MBD3: variants seen among roughly 807,000 people sequenced by gnomAD.
MBD3 encodes the protein methyl-CpG-binding domain protein 3.
MBD3 carries 13 observed loss-of-function variants against 31.2 expected under a neutral mutation model. The observed-to-expected ratio is 0.42, with a 90% CI of 0.27 to 0.66. The LOEUF is 0.66. MBD3 is among the 30% of genes least tolerant of loss of function. MBD3 has a pLI of 0.26. For missense variants in MBD3, 440 were observed against 426.5 expected (o/e 1.03, Z -0.28); for synonymous variants, 223 against 187.4 (o/e 1.19, Z -1.55).
At chr19:1,586,649 C>G (rs937725208) in intron 1 of MBD3, among the ~76,000 whole-genome samples, 7 of 150,146 alleles carry the variant, frequency 4.7e-5, no homozygotes, top group Non-Finnish European at 8.8e-5. Context: ...GCTAGGACGA[C>G]AGGCACAAGC....
Position 1,585,006 on chromosome 19 carries a change from C to T in MBD3, c.270+49G>A, listed in dbSNP as rs1408709085. 3.1e-6 allele frequency: 5 copies of T among 1,602,128 alleles called. No individual in the cohort carries two copies. Among genetic ancestry groups the T allele is most frequent in the Non-Finnish European group, 4.2e-6 (5 of 1,178,322 alleles). ...GCAGCTCACGTCATGGCCGCGTCCC[C>T]GCCTAGAACGCCCCGCGCCGACGTC... On this transcript the variant is annotated intron_variant, in intron 2 of 6. Coordinates refer to ENST00000434436, the MANE Select transcript of MBD3 (RefSeq NM_001281453.2). The surrounding 1 kb of genome is among the most constrained non-coding windows in gnomAD (Gnocchi z 4.1).
chr19:1,585,578 G>GAGTCGT lies in MBD3; in HGVS notation c.111-365_111-364insACGACT. On this transcript the variant is annotated intron_variant, in intron 1 of 6. Transcript: ENST00000434436. This position sits in a 1 kb window ranked among gnomAD's most constrained non-coding sequence, Gnocchi z 4.1. ...CCCCTCTGAATCCTCCCCACCGTAGGCCCTGGCAGCGTCAGGCACAGCAGA... is the reference window on the plus strand; with the variant it reads ...CCCCTCTGAATCCTCCCCACCGTAGGAGTCGTCCCTGGCAGCGTCAGGCACAGCAGA... 1 of 294,338 alleles carries GAGTCGT rather than the reference G, an allele frequency of 3.4e-6. No individual in the cohort carries two copies. The highest frequency in any genetic ancestry group is 8.8e-5 in the East Asian group (1 of 11,310). The allele number at this position is 294,338 out of a possible 1,614,324, so 18.2% of individuals were successfully genotyped here.
chr19:1,586,885 A>C (rs2060681650), intron 1 of MBD3, among the ~76,000 whole-genome samples: 1 of 151,326 alleles, frequency 6.6e-6, no homozygotes, highest in East Asian at 1.9e-4. Flanking sequence ...CAGGCTGGTC[A>C]CGAACTCCTG....
chr19:1,578,503 C>A lies in MBD3; in HGVS notation c.713G>T (p.Arg238Leu), dbSNP rs576246477. 1 of 1,612,086 alleles carries A rather than the reference C, an allele frequency of 6.2e-7. No individual in the cohort carries two copies. Among genetic ancestry groups the A allele is most frequent in the Non-Finnish European group, 8.5e-7 (1 of 1,179,922 alleles). Residue 238 changes from arginine to leucine, a missense_variant, in exon 6 of 7, where the codon CGG becomes CTG. This residue lies in a region of MBD3 where 117 missense variants were observed against 95.0 expected (regional missense o/e 1.23). Transcript: ENST00000434436. The surrounding 1 kb of genome is among the most constrained non-coding windows in gnomAD (Gnocchi z 6.1). ...GTCGGCCATCAGCGCCTCCTCCAGC[C>A]GCTTCCGCACCTGCTGCACCAGCTC... ...QEELVQQVRK[R>L]LEEALMADML...
In MBD3 at chr19:1,585,253, C is replaced by G. The variant is rs1256662293; in HGVS notation, c.111-39G>C. Reference sequence around the variant, plus strand: ...GGACGGTCGGCGCCCCGGGCGGACCCCAGACCCCAAACCCAGGCCTCGGCC... The same window carrying G: ...GGACGGTCGGCGCCCCGGGCGGACCGCAGACCCCAAACCCAGGCCTCGGCC... On this transcript the variant is annotated intron_variant, in intron 1 of 6. Coordinates refer to ENST00000434436, the MANE Select transcript of MBD3 (RefSeq NM_001281453.2). This position sits in a 1 kb window ranked among gnomAD's most constrained non-coding sequence, Gnocchi z 4.1. 2 of 1,542,900 alleles carry G rather than the reference C, an allele frequency of 1.3e-6. No homozygotes were observed. Among genetic ancestry groups the G allele is most frequent in the African/African-American group, 1.4e-5 (1 of 73,366 alleles).
chr19:1,575,054 C>T lies in MBD3; in HGVS notation c.*3110G>A. 2.7e-6 allele frequency: 1 copy of T among 370,032 alleles called. No individual in the cohort carries two copies. Among genetic ancestry groups the T allele is most frequent in the Non-Finnish European group, 5.5e-6 (1 of 180,698 alleles). The allele number at this position is 370,032 out of a possible 1,614,324, so 22.9% of individuals were successfully genotyped here. A position where few individuals can be genotyped will look rare whatever the true frequency, so the allele number is the denominator to read the frequency against. On this transcript the variant is annotated 3_prime_UTR_variant, in exon 7 of 7. Coordinates refer to ENST00000434436, the MANE Select transcript of MBD3 (RefSeq NM_001281453.2). ...CCACGGGGGTCCTGAGCCTCTCCTC[C>T]CTGGTACCCTCTGTGGCGGCAGCGG...
Position 1,575,287 on chromosome 19 carries a change from G to A in MBD3, c.*2877C>T, listed in dbSNP as rs1162865365. On this transcript the variant is annotated 3_prime_UTR_variant, in exon 7 of 7. Transcript: ENST00000434436. ...TCTATTAAAAATACAAAAATTAGCT[G>A]GGCGTGGTGGCTACTCGGGAGGCTG... is the stretch of plus-strand genomic sequence containing the variant. 3 of 440,176 alleles carry A rather than the reference G, an allele frequency of 6.8e-6. No individual in the cohort carries two copies. In the East Asian group the frequency reaches 2.2e-4, roughly 32 times the overall value. 27.3% of individuals were successfully genotyped at this position (440,176 alleles called of 1,614,324 possible).
chr19:1,580,462 GT>G (rs1917326014), intron 5 of MBD3, among the ~76,000 whole-genome samples: 1 of 152,242 alleles, frequency 6.6e-6, no homozygotes, highest in East Asian at 1.9e-4. Flanking sequence ...GAACCGTCAA[GT>G]TTCCTTTCCT....
chr19:1,588,779 CAAAA>C (rs750933978), intron 1 of MBD3, among the ~76,000 whole-genome samples: 8 of 54,962 alleles, frequency 1.5e-4, no homozygotes, highest in African/African-American at 4.5e-4. Context: ...ACTGTGTCTC[CAAAA>C]AAAAAAAAAA....
rs1322010522 is a variant in MBD3 at position 1,578,400 on chromosome 19, C to G, written c.816G>C (p.Glu272Asp). 98 of 1,604,276 alleles carry G rather than the reference C, an allele frequency of 6.1e-5. 1 individual carries two copies. In the South Asian group the frequency reaches 7.8e-4, roughly 13 times the overall value. Residue 272 changes from glutamate to aspartate, a missense_variant, in exon 6 of 7, where the codon GAG becomes GAC. This residue lies in a region of MBD3 where 117 missense variants were observed against 95.0 expected (regional missense o/e 1.23). Transcript: ENST00000434436. This position sits in a 1 kb window ranked among gnomAD's most constrained non-coding sequence, Gnocchi z 6.1. ...LDKACAEDDD[E>D]EDEEEEEEEP... ...CCTCCTCCTCCTCCTCCTCGTCTTC[C>G]TCGTCGTCGTCCTCAGCGCAGGCCT...
chr19:1,580,145 A>G (rs1250320039), intron 5 of MBD3, among the ~76,000 whole-genome samples: 1 of 152,040 alleles, frequency 6.6e-6, no homozygotes, highest in Non-Finnish European at 1.5e-5. Context: ...AATTCTTCCT[A>G]TTTCACCATC....
chr19:1,582,777 T>G, intron 3 of MBD3, 65 bp from the exon 4 acceptor site: 8 of 1,484,336 alleles, frequency 5.4e-6, no homozygotes, highest in Non-Finnish European at 7.4e-6. Flanking sequence ...AGGTCCTTGC[T>G]GGGCTCCAGG....
chr19:1,584,506 C>T (rs762768107), intron 3 of MBD3, 34 bp downstream of exon 3: 131 of 1,610,086 alleles, frequency 8.1e-5, no homozygotes, highest in Non-Finnish European at 1.1e-4. Context: ...ACAACCCGGC[C>T]GGGAAGGCTG....
Position 1,592,623 on chromosome 19 carries a change from C to T in MBD3, c.9G>A (p.Arg3=). 1 of 1,344,318 alleles carries T rather than the reference C, an allele frequency of 7.4e-7. No homozygotes were observed. The highest frequency in any genetic ancestry group is 1.6e-5 in the African/African-American group (1 of 64,498). 83.3% of individuals were successfully genotyped at this position (1,344,318 alleles called of 1,614,324 possible). A position where few individuals can be genotyped will look rare whatever the true frequency, so the allele number is the denominator to read the frequency against. ...GGAGCGCCGGGCACTCCCACCTCTTCCGCTCCATTGCGCCCGGCTCCTCGG... is the reference window on the plus strand; with the variant it reads ...GGAGCGCCGGGCACTCCCACCTCTTTCGCTCCATTGCGCCCGGCTCCTCGG... ME[R]KRWECPALPQ... The change falls in exon 1 of 7, where the codon CGG becomes CGA. Residue 3 remains arginine (R), a synonymous_variant. Transcript: ENST00000434436.
At position 1,577,570 on chromosome 19, in the gene MBD3, A is replaced by G. The variant is rs1479860070; in HGVS notation, c.*594T>C. 2.0e-5 allele frequency: 3 copies of G among 152,220 alleles called. No individual in the cohort carries two copies. 9.4% of individuals were successfully genotyped at this position (152,220 alleles called of 1,614,324 possible). On this transcript the variant is annotated 3_prime_UTR_variant, in exon 7 of 7. Coordinates refer to ENST00000434436, the MANE Select transcript of MBD3 (RefSeq NM_001281453.2). ...GAAGGCTGCCCGATGACGTGCCTCG[A>G]CTGTGTTACATTTACTGAAGGAGAG... is the stretch of plus-strand genomic sequence containing the variant.
rs536814219 is a variant in MBD3, at chr19:1,584,952, T to C, written c.270+103A>G. 1.9e-4 allele frequency: 291 copies of C among 1,497,952 alleles called. No homozygotes were observed. The African/African-American group carries it at 3.3e-3, about 17-fold the overall frequency. The allele number at this position is 1,497,952 out of a possible 1,614,324, so 92.8% of individuals were successfully genotyped here. A position where few individuals can be genotyped will look rare whatever the true frequency, so the allele number is the denominator to read the frequency against. ...GTGCCCTCCGCCCGCTGTGACCTCCTGCGCTCAGGACGCCGGGCTGTGTCG... is the reference window on the plus strand; with the variant it reads ...GTGCCCTCCGCCCGCTGTGACCTCCCGCGCTCAGGACGCCGGGCTGTGTCG... On this transcript the variant is annotated intron_variant, in intron 2 of 6. Coordinates refer to ENST00000434436, the MANE Select transcript of MBD3 (RefSeq NM_001281453.2).
intron 3 of MBD3, 85 bp from the exon 4 acceptor site, chr19:1,582,797 C>G: frequency 4.0e-6 from 5 of 1,239,288 alleles, no homozygotes; most frequent in Non-Finnish European, 5.8e-6. Flanking sequence ...GGAGGCCCAC[C>G]TGGCCTCCTT....
Position 1,575,104 on chromosome 19 carries a change from CG to C in MBD3, c.*3059del. On this transcript the variant is annotated 3_prime_UTR_variant, in exon 7 of 7. Transcript: ENST00000434436. ...GTGGGGAGCTTGGTCTGAGGGGAGG[CG>C]GGGGACACGTGAGGCTCTTGCTGCT... is the stretch of plus-strand genomic sequence containing the variant. 2.6e-6 allele frequency: 1 copy of C among 389,808 alleles called. No individual in the cohort carries two copies. The highest frequency in any genetic ancestry group is 5.3e-6 in the Non-Finnish European group (1 of 188,666). The allele number at this position is 389,808 out of a possible 1,614,324, so 24.1% of individuals were successfully genotyped here. A position where few individuals can be genotyped will look rare whatever the true frequency, so the allele number is the denominator to read the frequency against.
chr19:1,585,256 G>C lies in MBD3; in HGVS notation c.111-42C>G. The C allele has an allele frequency of 1.3e-6, 2 of 1,541,014 alleles. No individual in the cohort carries two copies. Among genetic ancestry groups the C allele is most frequent in the East Asian group, 2.4e-5 (1 of 41,222 alleles). On this transcript the variant is annotated intron_variant, in intron 1 of 6. Coordinates refer to ENST00000434436, the MANE Select transcript of MBD3 (RefSeq NM_001281453.2). This position sits in a 1 kb window ranked among gnomAD's most constrained non-coding sequence, Gnocchi z 4.1. ...CGGTCGGCGCCCCGGGCGGACCCCA[G>C]ACCCCAAACCCAGGCCTCGGCCGCA...
Sources: gnomAD v4.1 joint callset for allele counts (sites outside exome capture counted in the v4.1 genomes callset) on GRCh38, gnomAD v4.1.1 for gene constraint, gnomAD v4.1.1 regional missense constraint, Gnocchi (gnomAD v3.1) non-coding constraint, MANE v1.5 for transcripts, NCBI Gene and HGNC (gene_info 2026-07-23, HGNC 2026-07-21) for gene names.